Variants in DMD observed in about 807,000 individuals in gnomAD.
The protein encoded by DMD is mutant dystrophin.
Under a neutral mutation model 330.1 loss-of-function variants are expected in DMD, and 63 were observed. The observed-to-expected ratio is 0.19, with a 90% CI of 0.16 to 0.24. The LOEUF is 0.24. DMD is among the 10% of genes least tolerant of loss of function. The probability of loss-of-function intolerance (pLI) is 1.00; values close to 1 mark genes in which losing one functional copy is unlikely to be tolerated. For missense variants in DMD, 3,344 were observed against 2,684.1 expected (o/e 1.25, Z -5.43); for synonymous variants, 1,223 against 959.8 (o/e 1.27, Z -5.07).
intron 2 of DMD, among the ~76,000 whole-genome samples, chrX:32,872,324 CTT>C (rs1294679506): frequency 1.8e-5 from 2 of 111,964 alleles, no homozygotes; most frequent in African/African-American, 6.5e-5. Flanking sequence ...CCAGTTCATG[CTT>C]TCTCACCTAC....
chrX:31,620,134 T>C (rs2078444799), intron 55 of DMD, among the ~76,000 whole-genome samples: 1 of 111,842 alleles, frequency 8.9e-6, no homozygotes, highest in African/African-American at 3.2e-5. Flanking sequence ...AAGACAATCA[T>C]GTGAGTCTTG....
At chrX:32,691,840 A>T (rs1386789929) in intron 9 of DMD, among the ~76,000 whole-genome samples, 1 of 111,452 alleles carries the variant, frequency 9.0e-6, no homozygotes, top group African/African-American at 3.3e-5. Flanking sequence ...AAAGAAAGAG[A>T]TCCTGCCACA....
rs964726268 is a variant in DMD at position 32,277,785 on chromosome X, T to C, written c.6290+9744A>G. The stretch of plus-strand genomic sequence containing the variant: ...TTCAAAAAATGAAAGAAAAACCACA[T>C]ACCAAAACCTATGGGATACAGCAAA... On this transcript the variant is annotated intron_variant, in intron 43 of 78. Coordinates refer to ENST00000357033, the MANE Select transcript of DMD (RefSeq NM_004006.3). Among the ~76,000 whole-genome samples the C allele has an allele frequency of 6.4e-5, 7 of 110,193 alleles. No homozygotes were observed. In the Admixed American group the frequency reaches 6.8e-4, roughly 11 times the overall value.
chrX:32,957,371 C>G (rs1008334473), intron 2 of DMD, among the ~76,000 whole-genome samples: 1 of 111,396 alleles, frequency 9.0e-6, no homozygotes, highest in Non-Finnish European at 1.9e-5. Flanking sequence ...TGATAAACAG[C>G]AGGATGCAAA....
At chrX:33,157,423 A>T in intron 1 of DMD, among the ~76,000 whole-genome samples, 1 of 111,869 alleles carries the variant, frequency 8.9e-6, no homozygotes, top group Non-Finnish European at 1.9e-5. Context: ...ATATGACATC[A>T]TCTTAACTAA....
chrX:33,272,298 G>A (rs1448346483), intron 1 of DMD, among the ~76,000 whole-genome samples: 1 of 112,012 alleles, frequency 8.9e-6, no homozygotes, highest in Non-Finnish European at 1.9e-5. Flanking sequence ...TTGGATTTGG[G>A]GAGAACTTGG....
chrX:32,906,159 G>T (rs908143402), intron 2 of DMD, among the ~76,000 whole-genome samples: 49 of 111,600 alleles, frequency 4.4e-4, no homozygotes, highest in African/African-American at 1.6e-3. Context: ...ATTGGATCAC[G>T]GTGTTTCTCA....
intron 77 of DMD, among the ~76,000 whole-genome samples, chrX:31,133,599 A>C (rs964127621): frequency 4.5e-5 from 5 of 112,092 alleles, no homozygotes; most frequent in African/African-American, 1.6e-4. Flanking sequence ...TGAAGATTTA[A>C]TTGTCCCTAT....
At chrX:33,008,927 T>TGTATATATACACAC (rs1282141839) in intron 2 of DMD, among the ~76,000 whole-genome samples, 2 of 74,861 alleles carry the variant, frequency 2.7e-5, no homozygotes, top group Non-Finnish European at 5.7e-5. Context: ...TATATATACA[T>TGTATATATACACAC]GTATATATAC....
chrX:33,029,626 C>A (rs748067011), intron 1 of DMD, among the ~76,000 whole-genome samples: 1 of 112,222 alleles, frequency 8.9e-6, no homozygotes, highest in African/African-American at 3.2e-5. Context: ...GCTCCATTAG[C>A]AAATTGGAGT....
chrX:33,197,345 A>G (rs1302904043), intron 1 of DMD, among the ~76,000 whole-genome samples: 2 of 112,379 alleles, frequency 1.8e-5, no homozygotes, highest in East Asian at 5.6e-4. Context: ...ACCATGTATA[A>G]CTATAGTACA....
chrX:31,707,215 T>G (rs886704726), intron 52 of DMD, among the ~76,000 whole-genome samples: 1 of 110,793 alleles, frequency 9.0e-6, no homozygotes, highest in Admixed American at 9.7e-5. Flanking sequence ...CTTTGAACAT[T>G]AAAAAAACCA....
At chrX:31,935,357 T>C (rs1209308346) in intron 45 of DMD, among the ~76,000 whole-genome samples, 3 of 111,711 alleles carry the variant, frequency 2.7e-5, no homozygotes, top group Non-Finnish European at 3.8e-5. Context: ...TAATCCCTGT[T>C]GCTTTAGAGT....
At chrX:32,530,889 A>G (rs762945224) in intron 17 of DMD, among the ~76,000 whole-genome samples, 53 of 112,069 alleles carry the variant, frequency 4.7e-4, no homozygotes, top group African/African-American at 1.5e-3. Flanking sequence ...AATATAATAT[A>G]CTCAAGTTGA....
chrX:31,283,088 T>C (rs2052745230), intron 62 of DMD, among the ~76,000 whole-genome samples: 1 of 111,896 alleles, frequency 8.9e-6, no homozygotes, highest in African/African-American at 3.2e-5. Flanking sequence ...TAATCAAATA[T>C]TAGGCAAAAT....
intron 60 of DMD, among the ~76,000 whole-genome samples, chrX:31,440,143 A>G (rs1185972641): frequency 1.3e-5 from 1 of 77,274 alleles, no homozygotes; most frequent in Non-Finnish European, 2.6e-5. Flanking sequence ...GTTTTAAAGT[A>G]TTGCTTTTTT....
chrX:31,337,000 T>G (rs1398858104), intron 61 of DMD, among the ~76,000 whole-genome samples: 4 of 106,952 alleles, frequency 3.7e-5, no homozygotes, highest in African/African-American at 1.4e-4. Flanking sequence ...CTTGGCTCAC[T>G]GCAACCTCCG....
At chrX:32,249,900 T>A (rs1303443722) in intron 43 of DMD, among the ~76,000 whole-genome samples, 1 of 111,448 alleles carries the variant, frequency 9.0e-6, no homozygotes, top group Non-Finnish European at 1.9e-5. Flanking sequence ...AAGTACTCCC[T>A]TTTTGCAGGA....
chrX:31,989,053 C>T, intron 44 of DMD, among the ~76,000 whole-genome samples: 1 of 112,165 alleles, frequency 8.9e-6, no homozygotes, highest in Non-Finnish European at 1.9e-5. Context: ...ATGGGTGTTC[C>T]AGCTTTAGCT....
Sources: allele counts gnomAD v4.1 joint callset (sites outside exome capture counted in the v4.1 genomes callset), GRCh38; gene constraint gnomAD v4.1.1; transcripts MANE v1.5; gene names NCBI Gene and HGNC (gene_info 2026-07-23, HGNC 2026-07-21).